The following CSDE1 variants were observed in gnomAD, a reference collection of about 807,000 sequenced individuals.
CSDE1 encodes the protein cold shock domain-containing protein E1.
In CSDE1, 17 loss-of-function variants were observed where a neutral mutation model predicts 89.3. The ratio of observed to expected loss-of-function variants is 0.19; its 90% CI spans 0.13 to 0.29. The LOEUF (loss-of-function observed/expected upper bound fraction) is 0.29, where lower values mean the gene tolerates loss of function less well. Among genes scored for constraint, CSDE1 ranks in the 10% least tolerant of loss-of-function variants. CSDE1 has a pLI of 1.00. For synonymous variants in CSDE1, 322 were observed against 332.8 expected (o/e 0.97, Z 0.35); for missense variants, 672 against 984.2 (o/e 0.68, Z 4.24).
In CSDE1 at chr1:114,718,038, A is replaced by G. The variant is rs1452782405; in HGVS notation, c.*131T>C. On this transcript the variant is annotated 3_prime_UTR_variant, in exon 20 of 20. Transcript: ENST00000358528. ...AACATAACACGAGGAAGGTGTTAAA[A>G]CTGGTGTAATAGCTCAATAGAATAA... The G allele has an allele frequency of 2.4e-6, 2 of 842,980 alleles. No homozygotes were observed. Among genetic ancestry groups the G allele is most frequent in the Non-Finnish European group, 3.9e-6 (2 of 512,074 alleles). 52.2% of individuals were successfully genotyped at this position (842,980 alleles called of 1,614,324 possible).
chr1:114,738,703 C>CCCTG (rs1340952251), intron 3 of CSDE1, among the ~76,000 whole-genome samples: 1 of 122,510 alleles, frequency 8.2e-6, no homozygotes, highest in East Asian at 2.5e-4. Context: ...GACAGAGTCT[C>CCCTG]CCTGTCACCC....
chr1:114,731,812 G>C (rs1660115980), intron 10 of CSDE1, among the ~76,000 whole-genome samples: 1 of 152,142 alleles, frequency 6.6e-6, no homozygotes, highest in Non-Finnish European at 1.5e-5. Context: ...AACATGATGA[G>C]ATGTTTTTGC....
chr1:114,747,933 C>G (rs1273809975), intron 2 of CSDE1, among the ~76,000 whole-genome samples: 1 of 152,010 alleles, frequency 6.6e-6, no homozygotes, highest in Non-Finnish European at 1.5e-5. Flanking sequence ...TGTTAATCTT[C>G]CCTATCTAAT....
At chr1:114,754,134 G>A (rs776362341) in intron 1 of CSDE1, among the ~76,000 whole-genome samples, 2 of 152,150 alleles carry the variant, frequency 1.3e-5, no homozygotes, top group African/African-American at 4.8e-5. Flanking sequence ...GACTACAGGC[G>A]TGTACCACCA....
chr1:114,720,766 C>G, intron 16 of CSDE1, 49 bp from the exon 17 acceptor site: 1 of 1,547,832 alleles, frequency 6.5e-7, no homozygotes, highest in South Asian at 1.1e-5. Context: ...CAACAGTCCT[C>G]TGCTGATGAC....
At chr1:114,731,556 T>C (rs975204397) in intron 10 of CSDE1, among the ~76,000 whole-genome samples, 91 of 152,164 alleles carry the variant, frequency 6.0e-4, no homozygotes, top group African/African-American at 2.1e-3. Context: ...AGTTATAGTG[T>C]AGATGATATG....
At chr1:114,719,859 C>CA (rs1659413712) in intron 17 of CSDE1, 117 bp from the exon 18 acceptor site, 1 of 999,372 alleles carries the variant, frequency 1.0e-6, no homozygotes, top group Admixed American at 2.7e-5. Context: ...GTTGATACTC[C>CA]AGTCCAGCTG....
Position 114,718,760 on chromosome 1 carries a change from A to C in CSDE1, c.2217-15T>G. 6.2e-7 allele frequency: 1 copy of C among 1,612,724 alleles called. No homozygotes were observed. The highest frequency in any genetic ancestry group is 8.5e-7 in the Non-Finnish European group (1 of 1,179,456). On this transcript the variant is annotated splice_polypyrimidine_tract_variant and intron_variant, in intron 18 of 19. Transcript: ENST00000358528. ...TGGGGCCCTCACTGTAATTAAGTCA[A>C]AAGATGAGAAGAAACCACACTTGGT...
At chr1:114,749,797 C>T (rs1008334145) in intron 2 of CSDE1, 24 bp downstream of exon 2, 7 of 152,530 alleles carry the variant, frequency 4.6e-5, no homozygotes, top group African/African-American at 1.7e-4. Context: ...GGAACTGATT[C>T]TTAATAGGAA....
intron 15 of CSDE1, 59 bp downstream of exon 15, chr1:114,725,162 C>T: frequency 7.6e-7 from 1 of 1,319,432 alleles, no homozygotes; most frequent in Non-Finnish European, 1.1e-6. Flanking sequence ...CCCTCTACTA[C>T]TCCATCCTTT....
At chr1:114,721,717 T>C (rs539231477) in intron 16 of CSDE1, among the ~76,000 whole-genome samples, 2 of 151,760 alleles carry the variant, frequency 1.3e-5, no homozygotes, top group Admixed American at 1.3e-4. Context: ...AGCTCCTGAG[T>C]CGCTGGGACT....
At chr1:114,720,792 T>G in intron 16 of CSDE1, 75 bp from the exon 17 acceptor site, 1 of 1,295,686 alleles carries the variant, frequency 7.7e-7, no homozygotes, top group Non-Finnish European at 1.1e-6. Flanking sequence ...GAAGTTTATA[T>G]AACTGCTAAA....
chr1:114,737,033 T>C (rs543952791), intron 5 of CSDE1, among the ~76,000 whole-genome samples, 178 bp from the exon 6 acceptor site: 60 of 152,330 alleles, frequency 3.9e-4, no homozygotes, highest in African/African-American at 1.4e-3. Context: ...ATGGTGCTGA[T>C]GACTTCTGCG....
Position 114,718,030 on chromosome 1 carries a change from G to GT in CSDE1, c.*138dup. ...TTTTTTTAAACATAACACGAGGAAG[G>GT]TGTTAAAACTGGTGTAATAGCTCAA... On this transcript the variant is annotated 3_prime_UTR_variant, in exon 20 of 20. Transcript: ENST00000358528. 1 of 762,910 alleles carries GT rather than the reference G, an allele frequency of 1.3e-6. No individual in the cohort carries two copies. Among genetic ancestry groups the GT allele is most frequent in the Non-Finnish European group, 2.3e-6 (1 of 443,996 alleles). The allele number at this position is 762,910 out of a possible 1,614,324, so 47.3% of individuals were successfully genotyped here. A position where few individuals can be genotyped will look rare whatever the true frequency, so the allele number is the denominator to read the frequency against.
intron 16 of CSDE1, among the ~76,000 whole-genome samples, chr1:114,722,299 A>G (rs868661897): frequency 1.6e-4 from 24 of 152,376 alleles, no homozygotes; most frequent in Middle Eastern, 3.4e-3. Flanking sequence ...TGCAATATCA[A>G]TAATTACCAT....
Position 114,720,522 on chromosome 1 carries a change from G to A in CSDE1, c.2052+17C>T, listed in dbSNP as rs961738263. ...CATAGAAGGATCAAATTCAGATACA[G>A]AGATGCTGGCACTTACCTGATCTTT... On this transcript the variant is annotated intron_variant, in intron 17 of 19. Transcript: ENST00000358528. 9.4e-6 allele frequency: 15 copies of A among 1,592,306 alleles called. No individual in the cohort carries two copies. The highest frequency in any genetic ancestry group is 1.2e-5 in the Non-Finnish European group (14 of 1,165,756).
rs1215997798 is a variant in CSDE1 at position 114,730,655 on chromosome 1, C to A, written c.1051-7G>T. 1.2e-6 allele frequency: 2 copies of A among 1,612,214 alleles called. No homozygotes were observed. The highest frequency in any genetic ancestry group is 2.2e-5 in the East Asian group (1 of 44,866). On this transcript the variant is annotated splice_polypyrimidine_tract_variant and splice_region_variant and intron_variant, in intron 10 of 19. Transcript: ENST00000358528. ...TCATGGCAGCAATCACACCCTGAAA[C>A]CCAAATAATATTTTCACTGGCTGTG...
intron 2 of CSDE1, among the ~76,000 whole-genome samples, chr1:114,745,272 C>A (rs988329714): frequency 3.3e-5 from 5 of 152,192 alleles, no homozygotes; most frequent in Non-Finnish European, 5.9e-5. Flanking sequence ...GCTTTATACA[C>A]AAGTATTTTA....
intron 4 of CSDE1, 86 bp downstream of exon 4, chr1:114,737,874 TGAG>T: frequency 3.3e-6 from 3 of 902,734 alleles, no homozygotes; most frequent in East Asian, 2.4e-5. Flanking sequence ...TCGTGCAAAC[TGAG>T]GAGATGGGGA....
Sources: allele counts gnomAD v4.1 joint callset (sites outside exome capture counted in the v4.1 genomes callset), GRCh38; gene constraint gnomAD v4.1.1; transcripts MANE v1.5; gene names NCBI Gene and HGNC (gene_info 2026-07-23, HGNC 2026-07-21).